The following DOCK5 variants were observed in gnomAD, a reference collection of about 807,000 sequenced individuals.
The protein encoded by DOCK5 is dedicator of cytokinesis 5, also known as dedicator of cytokinesis protein 5.
A neutral mutation model predicts 251.8 loss-of-function variants in DOCK5; 142 were observed. The observed-to-expected ratio is 0.56, with a 90% CI of 0.49 to 0.65. The LOEUF (loss-of-function observed/expected upper bound fraction) is 0.65, where lower values mean the gene tolerates loss of function less well. DOCK5 is among the 30% of genes least tolerant of loss of function. The probability of loss-of-function intolerance (pLI) is 0.00; values close to 1 mark genes in which losing one functional copy is unlikely to be tolerated. For missense variants in DOCK5, 2,111 were observed against 2,312.3 expected, an observed-to-expected ratio of 0.91 and a Z score of 1.79; for synonymous variants, 842 against 835.5, an observed-to-expected ratio of 1.01 and a Z score of -0.13.
chr8:25,210,484 C>T (rs116486926), intron 1 of DOCK5, among the ~76,000 whole-genome samples: 966 of 68,468 alleles, frequency 0.014, 274 homozygotes, highest in African/African-American at 0.031. Context: ...GGATTGGGAC[C>T]GGGCGCTGTG....
intron 44 of DOCK5, among the ~76,000 whole-genome samples, chr8:25,393,277 C>T (rs1355152576): frequency 1.3e-5 from 2 of 152,180 alleles, no homozygotes; most frequent in African/African-American, 4.8e-5. Context: ...CCCTCTTCAT[C>T]TCGCCCAAAA....
intron 1 of DOCK5, among the ~76,000 whole-genome samples, chr8:25,198,807 T>C (rs934312310): frequency 6.6e-6 from 1 of 152,184 alleles, no homozygotes; most frequent in Non-Finnish European, 1.5e-5. Context: ...TCTTTCTCCT[T>C]ACTTACAACT....
rs777937928 is a variant in DOCK5, at chr8:25,323,933, C to T, written c.1701C>T (p.His567=). 1.3e-5 allele frequency: 21 copies of T among 1,612,062 alleles called. No individual in the cohort carries two copies. Among genetic ancestry groups the T allele is most frequent in the Middle Eastern group, 1.6e-4 (1 of 6,076 alleles). Residue 567 remains histidine, a synonymous_variant, in exon 17 of 52, where the codon CAC becomes CAT. Coordinates refer to ENST00000276440, the MANE Select transcript of DOCK5 (RefSeq NM_024940.8). The part of the protein sequence containing the change: ...PDGTTLQDGR[H]DLVVYKGDNK... Reference sequence around the variant, plus strand: ...GCACCACTCTGCAGGATGGGAGGCACGATCTGGTGGTTTATAAGGTGGTGC... The same window carrying T: ...GCACCACTCTGCAGGATGGGAGGCATGATCTGGTGGTTTATAAGGTGGTGC...
chr8:25,209,172 C>G (rs1239003292), intron 1 of DOCK5, among the ~76,000 whole-genome samples: 1 of 20,418 alleles, frequency 4.9e-5, no homozygotes, highest in South Asian at 1.3e-3. Flanking sequence ...AGGCTCAGAG[C>G]ACATTAGCGC....
intron 34 of DOCK5, among the ~76,000 whole-genome samples, chr8:25,372,045 T>A (rs1238984414): frequency 2.0e-5 from 3 of 152,246 alleles, no homozygotes; most frequent in African/African-American, 7.2e-5. Context: ...AGAGCCGCAT[T>A]GCAGGAGATG....
rs1453533307 is a variant in DOCK5, at chr8:25,341,737, A to AG, written c.2443dup. The AG allele has an allele frequency of 1.9e-6, 3 of 1,574,296 alleles. No individual in the cohort carries two copies. The highest frequency in any genetic ancestry group is 1.7e-6 in the Non-Finnish European group (2 of 1,158,024). On this transcript the variant is annotated splice_acceptor_variant, in intron 23 of 51. Transcript: ENST00000276440. LOFTEE classifies it high-confidence loss of function. Reference sequence around the variant, plus strand: ...AATTTGCCTTTGGTGTTTTTCTTACAGGGGGCAGCTTTGAAGTACCTTCCT... The same window carrying AG: ...AATTTGCCTTTGGTGTTTTTCTTACAGGGGGGCAGCTTTGAAGTACCTTCCT...
intron 22 of DOCK5, among the ~76,000 whole-genome samples, chr8:25,339,321 C>T (rs1339666362): frequency 6.6e-6 from 1 of 152,040 alleles, no homozygotes; most frequent in Admixed American, 6.5e-5. Flanking sequence ...ATCCCTTAGC[C>T]CCCTATCATT....
chr8:25,275,926 A>G (rs572571424), intron 4 of DOCK5, among the ~76,000 whole-genome samples: 4 of 152,284 alleles, frequency 2.6e-5, no homozygotes, highest in African/African-American at 9.6e-5. Flanking sequence ...CACTCATACA[A>G]TTCCTTCCTC....
chr8:25,240,047 C>G (rs890969319), intron 1 of DOCK5, among the ~76,000 whole-genome samples: 3 of 152,160 alleles, frequency 2.0e-5, no homozygotes, highest in Non-Finnish European at 2.9e-5. Context: ...GAAGACCCAC[C>G]ACTGGCAATG....
At chr8:25,259,604 C>T (rs2117580096) in intron 2 of DOCK5, among the ~76,000 whole-genome samples, 1 of 152,236 alleles carries the variant, frequency 6.6e-6, no homozygotes, top group South Asian at 2.1e-4. Context: ...TACAGGCATA[C>T]ATCATCACCA....
intron 30 of DOCK5, 78 bp from the exon 31 acceptor site, chr8:25,366,792 C>T (rs561573058): frequency 3.8e-6 from 4 of 1,052,888 alleles, no homozygotes; most frequent in East Asian, 2.5e-5. Flanking sequence ...GACTTTTTAC[C>T]ATGTGACATT....
chr8:25,185,841 C>CTT (rs1473589550), intron 1 of DOCK5, among the ~76,000 whole-genome samples: 1 of 152,146 alleles, frequency 6.6e-6, no homozygotes, highest in Non-Finnish European at 1.5e-5. Context: ...GCTCCTTTGG[C>CTT]TTTTTATCAA....
intron 3 of DOCK5, among the ~76,000 whole-genome samples, chr8:25,274,693 G>T: frequency 6.6e-6 from 1 of 152,178 alleles, no homozygotes; most frequent in East Asian, 1.9e-4. Context: ...CGTTGATTTT[G>T]AGTGCATTTG....
intron 1 of DOCK5, among the ~76,000 whole-genome samples, chr8:25,237,435 T>C (rs1802832039): frequency 6.6e-6 from 1 of 152,180 alleles, no homozygotes; most frequent in Non-Finnish European, 1.5e-5. Flanking sequence ...GACTTTTCAT[T>C]GTCAAAACTG....
At chr8:25,262,195 A>G (rs1394705303) in intron 2 of DOCK5, among the ~76,000 whole-genome samples, 2 of 152,170 alleles carry the variant, frequency 1.3e-5, no homozygotes, top group African/African-American at 2.4e-5. Context: ...CAGTTGCTCC[A>G]TCTCCTTACC....
intron 2 of DOCK5, among the ~76,000 whole-genome samples, chr8:25,253,003 T>C (rs898142818): frequency 6.6e-6 from 1 of 152,170 alleles, no homozygotes; most frequent in Non-Finnish European, 1.5e-5. Context: ...AGCTAATTTT[T>C]AGTAGAGACG....
At chr8:25,221,670 C>T (rs1563313244) in intron 1 of DOCK5, among the ~76,000 whole-genome samples, 1 of 151,918 alleles carries the variant, frequency 6.6e-6, no homozygotes, top group East Asian at 1.9e-4. Context: ...CATCACCATC[C>T]CATCATCATC....
Position 25,281,562 on chromosome 8 carries a change from T to G in DOCK5, c.321+2897T>G, listed in dbSNP as rs185871033. Among the ~76,000 whole-genome samples the G allele has an allele frequency of 6.6e-4, 98 of 149,116 alleles. No homozygotes were observed. In the East Asian group the frequency reaches 0.013, roughly 19 times the overall value. ...ACATTTCCTTGGTGGGAGAGTTTCATGTTGTAGTAGCAGAATTTGGTTAAA... is the reference window on the plus strand; with the variant it reads ...ACATTTCCTTGGTGGGAGAGTTTCAGGTTGTAGTAGCAGAATTTGGTTAAA... On this transcript the variant is annotated intron_variant, in intron 5 of 51. Transcript: ENST00000276440.
At chr8:25,372,794 G>C (rs1207050011) in intron 35 of DOCK5, 76 bp downstream of exon 35, 5 of 1,446,326 alleles carry the variant, frequency 3.5e-6, no homozygotes, top group Non-Finnish European at 3.7e-6. Flanking sequence ...GCTCTAGGTA[G>C]ATCCCACAAA....
Sources: allele counts gnomAD v4.1 joint callset (sites outside exome capture counted in the v4.1 genomes callset), GRCh38; gene constraint gnomAD v4.1.1; transcripts MANE v1.5; gene names NCBI Gene and HGNC (gene_info 2026-07-23, HGNC 2026-07-21).